FAM13A: variants seen among roughly 807,000 people sequenced by gnomAD.
FAM13A encodes protein FAM13A.
FAM13A carries 76 observed loss-of-function variants against 129.6 expected under a neutral mutation model. The ratio of observed to expected loss-of-function variants is 0.59; its 90% CI spans 0.49 to 0.71. The LOEUF (loss-of-function observed/expected upper bound fraction) is 0.71. Ranked by LOEUF, FAM13A falls within the 30% of genes least tolerant of loss-of-function variation. The pLI is 0.00. For missense variants in FAM13A, 1,108 were observed against 1,249.3 expected (o/e 0.89, Z 1.70); for synonymous variants, 443 against 449.9 (o/e 0.98, Z 0.20).
intron 4 of FAM13A, among the ~76,000 whole-genome samples, chr4:88,985,087 C>T (rs962388475): frequency 7.9e-5 from 12 of 152,222 alleles, no homozygotes; most frequent in Non-Finnish European, 1.2e-4. Flanking sequence ...TGTGTCTCTA[C>T]ACTGAAATAT....
chr4:89,052,151 T>G (rs1771674313), intron 1 of FAM13A, among the ~76,000 whole-genome samples: 1 of 152,164 alleles, frequency 6.6e-6, no homozygotes, highest in African/African-American at 2.4e-5. Flanking sequence ...GCAGCCACCC[T>G]GCTTCACTGA....
intron 1 of FAM13A, among the ~76,000 whole-genome samples, chr4:89,030,171 T>A (rs1768505462): frequency 6.6e-6 from 1 of 152,140 alleles, no homozygotes; most frequent in African/African-American, 2.4e-5. Flanking sequence ...CTCAGTAATC[T>A]TCTGGAACAT....
intron 4 of FAM13A, among the ~76,000 whole-genome samples, chr4:88,966,722 T>C (rs184742881): frequency 2.6e-5 from 4 of 152,286 alleles, no homozygotes; most frequent in Admixed American, 6.5e-5. Flanking sequence ...ATCACATTAA[T>C]AGCCTCTTCC....
At chr4:88,993,505 A>C (rs1382348129) in intron 3 of FAM13A, among the ~76,000 whole-genome samples, 1 of 152,258 alleles carries the variant, frequency 6.6e-6, no homozygotes, top group East Asian at 1.9e-4. Flanking sequence ...GGCAATGTGT[A>C]AAGATACCAG....
At chr4:88,967,209 A>G (rs1036931073) in intron 4 of FAM13A, among the ~76,000 whole-genome samples, 1 of 152,220 alleles carries the variant, frequency 6.6e-6, no homozygotes, top group African/African-American at 2.4e-5. Flanking sequence ...ATTTATTTGT[A>G]TAGTGTTTCT....
chr4:88,956,566 T>C (rs929159489), intron 4 of FAM13A, among the ~76,000 whole-genome samples: 3 of 152,228 alleles, frequency 2.0e-5, no homozygotes, highest in Non-Finnish European at 2.9e-5. Flanking sequence ...GTCACTATAC[T>C]AGATTTCTAT....
chr4:88,730,119 T>G (rs1404236277), intron 23 of FAM13A: 1 of 152,186 alleles, frequency 6.6e-6, no homozygotes, highest in African/African-American at 2.4e-5. Flanking sequence ...TTATGGTGCT[T>G]TCATTTCCCC....
chr4:89,044,076 C>T (rs1213966575), intron 1 of FAM13A, among the ~76,000 whole-genome samples: 1 of 95,404 alleles, frequency 1.0e-5, no homozygotes, highest in African/African-American at 4.2e-5. Context: ...CCAGCCTTGG[C>T]AACAAAGTGA....
chr4:88,989,627 ATATTT>A (rs982771052), intron 4 of FAM13A: 4 of 152,204 alleles, frequency 2.6e-5, no homozygotes, highest in African/African-American at 7.2e-5. Context: ...TTAAATTGGT[ATATTT>A]TATTTTATGT....
intron 3 of FAM13A, among the ~76,000 whole-genome samples, chr4:89,013,083 A>G (rs1765939898): frequency 6.6e-6 from 1 of 152,032 alleles, no homozygotes; most frequent in African/African-American, 2.4e-5. Context: ...GGGCATTAAA[A>G]GCAAAACCCA....
chr4:89,027,962 T>C (rs1380680439), intron 2 of FAM13A, among the ~76,000 whole-genome samples: 1 of 151,370 alleles, frequency 6.6e-6, no homozygotes, highest in Non-Finnish European at 1.5e-5. Context: ...CTCAGCACTT[T>C]GGGAGGCCAA....
At chr4:88,822,911 AG>A in intron 7 of FAM13A, 2 of 1,584,260 alleles carry the variant, frequency 1.3e-6, no homozygotes, top group South Asian at 2.3e-5. Flanking sequence ...GTACTGGCAA[AG>A]TTATATGGCT....
chr4:88,784,679 T>G (rs547306944), intron 10 of FAM13A, among the ~76,000 whole-genome samples: 6 of 152,322 alleles, frequency 3.9e-5, no homozygotes, highest in African/African-American at 1.4e-4. Context: ...TTTGGATCAA[T>G]TTTCCAGTTC....
intron 3 of FAM13A, among the ~76,000 whole-genome samples, chr4:89,012,868 T>TAA (rs370071509): frequency 4.1e-5 from 6 of 147,030 alleles, no homozygotes; most frequent in Non-Finnish European, 7.5e-5. Context: ...ACAACAACAT[T>TAA]AAAAAAAAAA....
At chr4:88,781,112 A>G (rs1722759188) in intron 11 of FAM13A, 53 bp downstream of exon 11, 1 of 1,244,852 alleles carries the variant, frequency 8.0e-7, no homozygotes, top group Admixed American at 2.6e-5. Flanking sequence ...AAAGCAAAGA[A>G]AAGAGATGTA....
intron 6 of FAM13A, among the ~76,000 whole-genome samples, chr4:88,866,151 G>A (rs7663772): frequency 0.48 from 73,471 of 151,530 alleles, 18,572 homozygotes; most frequent in East Asian, 0.81. Flanking sequence ...GGGTTCAAGC[G>A]TTCTCCTGCC....
At chr4:89,023,976 A>G (rs1244112379) in intron 2 of FAM13A, among the ~76,000 whole-genome samples, 2 of 152,220 alleles carry the variant, frequency 1.3e-5, no homozygotes, top group East Asian at 3.8e-4. Context: ...AGTTACTCTC[A>G]TACATTTCAG....
At chr4:89,044,284 C>T (rs1770551291) in intron 1 of FAM13A, among the ~76,000 whole-genome samples, 1 of 151,966 alleles carries the variant, frequency 6.6e-6, no homozygotes, top group African/African-American at 2.4e-5. Context: ...ATCATTTTTC[C>T]AAATAAGACA....
At chr4:88,984,620 A>C (rs1218203644) in intron 4 of FAM13A, among the ~76,000 whole-genome samples, 1 of 152,220 alleles carries the variant, frequency 6.6e-6, no homozygotes, top group Non-Finnish European at 1.5e-5. Flanking sequence ...GGAATAAAAA[A>C]GATATTAACA....
Sources: allele counts gnomAD v4.1 joint callset (sites outside exome capture counted in the v4.1 genomes callset), GRCh38; gene constraint gnomAD v4.1.1; transcripts MANE v1.5; gene names NCBI Gene and HGNC (gene_info 2026-07-23, HGNC 2026-07-21).